Variants in NFASC observed in about 807,000 individuals in gnomAD.
The protein encoded by NFASC is neurofascin.
Under a neutral mutation model 147.5 loss-of-function variants are expected in NFASC, and 43 were observed. The ratio of observed to expected loss-of-function variants is 0.29; its 90% confidence interval spans 0.23 to 0.38. The LOEUF is 0.38. Among genes scored for constraint, NFASC ranks in the 10% least tolerant of loss-of-function variants. The probability of loss-of-function intolerance (pLI) is 1.00; values close to 1 mark genes in which losing one functional copy is unlikely to be tolerated. For synonymous variants in NFASC, 622 were observed against 665.5 expected, an observed-to-expected ratio of 0.93 and a Z score of 1.01; for missense variants, 1,320 against 1,689.0, an observed-to-expected ratio of 0.78 and a Z score of 3.83.
At chr1:204,949,378 T>C (rs1050991978) in intron 3 of NFASC, among the ~76,000 whole-genome samples, 5 of 152,186 alleles carry the variant, frequency 3.3e-5, no homozygotes, top group Non-Finnish European at 5.9e-5. Flanking sequence ...GTAGGAAGGC[T>C]TCAAAGTCAC....
chr1:204,861,289 A>G (rs868639501), intron 1 of NFASC, among the ~76,000 whole-genome samples: 1 of 151,806 alleles, frequency 6.6e-6, no homozygotes, highest in Non-Finnish European at 1.5e-5. Flanking sequence ...AGGTTTCTCC[A>G]TGTTGCCCAG....
intron 1 of NFASC, among the ~76,000 whole-genome samples, chr1:204,883,372 G>A (rs956712458): frequency 6.6e-6 from 1 of 152,162 alleles, no homozygotes; most frequent in Admixed American, 6.5e-5. Context: ...CTGGAGCAGC[G>A]ACCCATAAAC....
At chr1:204,890,812 C>A (rs776758205) in intron 1 of NFASC, among the ~76,000 whole-genome samples, 26 of 151,996 alleles carry the variant, frequency 1.7e-4, no homozygotes, top group Non-Finnish European at 2.8e-4. Context: ...TCGGGTGATC[C>A]ACCCGCCTCA....
At chr1:204,845,295 C>CAAAAA (rs35773017) in intron 1 of NFASC, among the ~76,000 whole-genome samples, 5,560 of 140,450 alleles carry the variant, frequency 0.04, 317 homozygotes, top group African/African-American at 0.13. Flanking sequence ...TACTAAAATA[C>CAAAAA]AAAAAAAAAA....
chr1:204,952,886 G>A (rs952728751), intron 5 of NFASC, among the ~76,000 whole-genome samples: 1 of 152,150 alleles, frequency 6.6e-6, no homozygotes, highest in African/African-American at 2.4e-5. Flanking sequence ...GCCAAGCAGA[G>A]GCAGCCAGGT....
intron 8 of NFASC, among the ~76,000 whole-genome samples, chr1:204,959,921 C>T (rs909390774): frequency 1.6e-4 from 24 of 152,346 alleles, no homozygotes; most frequent in African/African-American, 5.3e-4. Flanking sequence ...AAACTCTTTC[C>T]TCCGAATGGC....
intron 21 of NFASC, among the ~76,000 whole-genome samples, chr1:204,982,591 AAG>A (rs766908371): frequency 4.6e-5 from 7 of 152,332 alleles, no homozygotes; most frequent in Middle Eastern, 3.4e-3. Context: ...TGAGCACAGA[AAG>A]AGAAGGTCTT....
chr1:204,870,739 T>A, intron 1 of NFASC: 1 of 1,151,122 alleles, frequency 8.7e-7, no homozygotes, highest in East Asian at 6.4e-5. Flanking sequence ...TGTGTGGCGT[T>A]CCATTCACGG....
At chr1:204,830,279 C>A (rs535767459) in intron 1 of NFASC, among the ~76,000 whole-genome samples, 46 of 152,084 alleles carry the variant, frequency 3.0e-4, no homozygotes, top group Non-Finnish European at 6.0e-4. Flanking sequence ...AGCCTCAGAG[C>A]CCACAGAACT....
intron 3 of NFASC, among the ~76,000 whole-genome samples, chr1:204,947,509 C>G (rs1423276707): frequency 1.3e-5 from 2 of 152,226 alleles, no homozygotes; most frequent in Non-Finnish European, 2.9e-5. Flanking sequence ...CGCCGCAGGC[C>G]TCCTGGAGCA....
chr1:204,980,411 A>G lies in NFASC; in HGVS notation c.2218A>G (p.Arg740Gly). The G allele has an allele frequency of 6.2e-7, 1 of 1,613,734 alleles. No homozygotes were observed. The highest frequency in any genetic ancestry group is 8.5e-7 in the Non-Finnish European group (1 of 1,179,806). Residue 740 changes from arginine (R) to glycine (G), a missense_variant, in exon 20 of 30, where the codon AGA (arginine) becomes GGA (glycine). Physicochemically the swap from Arg to Gly is moderately radical, Grantham distance 125. Transcript: ENST00000339876. ...NPGDVKGEGT[R>G]KNNMEITWTP... ...TGGTGACGTGAAGGGAGAGGGGACC[A>G]GAAAGAACAACATGGAGATCACGTG...
At chr1:204,838,112 A>G (rs1190022830) in intron 1 of NFASC, among the ~76,000 whole-genome samples, 1 of 152,370 alleles carries the variant, frequency 6.6e-6, no homozygotes, top group East Asian at 1.9e-4. Flanking sequence ...AATGCTTTAT[A>G]TTAGTGCTGT....
In NFASC at chr1:204,975,233, G is replaced by T; in HGVS notation, c.1559-38G>T. On this transcript the variant is annotated intron_variant, in intron 14 of 29. Coordinates refer to ENST00000339876, the MANE Select transcript of NFASC (RefSeq NM_001005388.3). The surrounding 1 kb of genome is among the most constrained non-coding windows in gnomAD (Gnocchi z 4.0). Reference sequence around the variant, plus strand: ...TGGCCGCATGGGGATGCTGGGCAGAGAACAGGCCAGTGGCGAGTGCTCTGG... The same window carrying T: ...TGGCCGCATGGGGATGCTGGGCAGATAACAGGCCAGTGGCGAGTGCTCTGG... 6.3e-7 allele frequency: 1 copy of T among 1,578,290 alleles called. No individual in the cohort carries two copies. The highest frequency in any genetic ancestry group is 1.1e-5 in the South Asian group (1 of 87,166).
intron 1 of NFASC, among the ~76,000 whole-genome samples, chr1:204,832,345 C>T (rs774798717): frequency 6.6e-6 from 1 of 152,096 alleles, no homozygotes; most frequent in African/African-American, 2.4e-5. Flanking sequence ...GGGAGCTACT[C>T]GTGTGTAGGC....
At chr1:204,891,241 G>A (rs1402255007) in intron 1 of NFASC, among the ~76,000 whole-genome samples, 3 of 152,158 alleles carry the variant, frequency 2.0e-5, no homozygotes, top group Admixed American at 1.3e-4. Context: ...CAAGAAGGGC[G>A]AGGAGAGGAT....
intron 1 of NFASC, chr1:204,870,729 T>G (rs1009993671): frequency 8.8e-6 from 10 of 1,141,066 alleles, no homozygotes; most frequent in Non-Finnish European, 1.1e-5. Flanking sequence ...ACAAGTGTAT[T>G]GTGTGGCGTT....
chr1:204,994,106 A>C (rs1356455489), intron 24 of NFASC, among the ~76,000 whole-genome samples: 1 of 152,182 alleles, frequency 6.6e-6, no homozygotes, highest in African/African-American at 2.4e-5. Context: ...GACCTTAGCC[A>C]GCTGAGGTTG....
At chr1:204,981,732 G>A (rs976297358) in intron 20 of NFASC, 66 bp from the exon 21 acceptor site, 20 of 1,051,076 alleles carry the variant, frequency 1.9e-5, no homozygotes, top group Admixed American at 5.2e-5. Context: ...GCAAGAGAGG[G>A]CAAGCTGTGG....
At chr1:204,973,639 ACCT>A (rs753655201) in intron 12 of NFASC, among the ~76,000 whole-genome samples, 45 of 152,260 alleles carry the variant, frequency 3.0e-4, no homozygotes, top group Non-Finnish European at 4.9e-4. Context: ...ATCTGGATCA[ACCT>A]CCTCATTGTA....
Sources: allele counts gnomAD v4.1 joint callset (sites outside exome capture counted in the v4.1 genomes callset), GRCh38; gene constraint gnomAD v4.1.1; non-coding constraint Gnocchi (gnomAD v3.1); transcripts MANE v1.5; gene names NCBI Gene and HGNC (gene_info 2026-07-23, HGNC 2026-07-21).